ARHGAP39: variants seen among roughly 807,000 people sequenced by gnomAD.
ARHGAP39 encodes the protein Rho GTPase activating protein 39.
In ARHGAP39, 44 loss-of-function variants were observed where a neutral mutation model predicts 106.9. The ratio of observed to expected loss-of-function variants is 0.41; its 90% confidence interval spans 0.32 to 0.53. The LOEUF (loss-of-function observed/expected upper bound fraction) is 0.53, where lower values mean the gene tolerates loss of function less well. ARHGAP39 is among the 20% of genes least tolerant of loss of function. ARHGAP39 has a pLI of 0.21. For missense variants in ARHGAP39, 1,496 were observed against 1,577.3 expected (o/e 0.95, Z 0.87); for synonymous variants, 768 against 693.2 (o/e 1.11, Z -1.69).
intron 1 of ARHGAP39, among the ~76,000 whole-genome samples, chr8:144,638,511 T>C (rs1821232812): frequency 6.6e-6 from 1 of 152,226 alleles, no homozygotes. Flanking sequence ...CATTCTATCC[T>C]CTGTGTCTCA....
intron 1 of ARHGAP39, chr8:144,605,952 G>A: frequency 2.8e-6 from 1 of 354,736 alleles, no homozygotes; most frequent in Non-Finnish European, 5.4e-6. Context: ...GCCAGTCTGA[G>A]ACACCAGCCC....
At chr8:144,690,011 TG>T (rs1822711522), upstream of ARHGAP39, among the ~76,000 whole-genome samples, 1 of 152,042 alleles carries the variant, frequency 6.6e-6, no homozygotes, top group South Asian at 2.1e-4. Flanking sequence ...CCTCCCAAAG[TG>T]CTGGGATTAC....
chr8:144,588,529 T>C (rs1343120080), intron 2 of ARHGAP39, among the ~76,000 whole-genome samples: 1 of 152,124 alleles, frequency 6.6e-6, no homozygotes, highest in Non-Finnish European at 1.5e-5. Context: ...GACAGAACTG[T>C]GGGGACCGCG....
At chr8:144,583,753 A>G (rs954139359) in intron 2 of ARHGAP39, among the ~76,000 whole-genome samples, 6 of 152,082 alleles carry the variant, frequency 3.9e-5, no homozygotes, top group Non-Finnish European at 8.8e-5. Flanking sequence ...ATTTTTCTGT[A>G]TTTTCCAAGT....
At chr8:144,534,243 TGGGTGTGG>T in intron 7 of ARHGAP39, 41 bp from the exon 8 acceptor site, 1 of 1,608,868 alleles carries the variant, frequency 6.2e-7, no homozygotes, top group Non-Finnish European at 8.5e-7. Flanking sequence ...TGTGGGTGTG[TGGGTGTGG>T]GGCCAGGAGA....
At chr8:144,621,583 G>C (rs1302630507) in intron 1 of ARHGAP39, among the ~76,000 whole-genome samples, 2 of 152,216 alleles carry the variant, frequency 1.3e-5, no homozygotes, top group Non-Finnish European at 1.5e-5. Flanking sequence ...TTGGGAGGCT[G>C]AGGCAGGCAG....
At chr8:144,535,645 C>T (rs1816925289) in intron 7 of ARHGAP39, among the ~76,000 whole-genome samples, 1 of 152,224 alleles carries the variant, frequency 6.6e-6, no homozygotes, top group South Asian at 2.1e-4. Context: ...GCTGGGCCTC[C>T]TGCTTGCTGT....
chr8:144,580,875 C>T lies in ARHGAP39; in HGVS notation c.483G>A (p.Ala161=). ...CGCTGTCCTCCTTCACTGTCCCAAA[C>T]GCCGCGGGCCGCCCGGCCCTCGCTG... The part of the protein sequence containing the change: ...ELPARAGRPA[A]FGTVKEDSGS... The change falls in exon 3 of 12, where the codon GCG becomes GCA. Residue 161 remains alanine, a synonymous_variant. Transcript: ENST00000377307. 6.3e-7 allele frequency: 1 copy of T among 1,581,742 alleles called. No individual in the cohort carries two copies. Among genetic ancestry groups the T allele is most frequent in the South Asian group, 1.2e-5 (1 of 86,858 alleles).
rs1420144839 is a variant in ARHGAP39 at position 144,585,393 on chromosome 8, TCAC to T, written c.81-4119_81-4117del. On this transcript the variant is annotated intron_variant, in intron 2 of 11. Coordinates refer to ENST00000377307, the MANE Select transcript of ARHGAP39 (RefSeq NM_025251.3). The surrounding 1 kb of genome is among the most constrained non-coding windows in gnomAD (Gnocchi z 4.6). The stretch of plus-strand genomic sequence containing the variant: ...CCAGCCAAGGGTTCCCAGCACCGGC[TCAC>T]CGAGAACCTGGAGGGGCCAGCCAGG... Among the ~76,000 whole-genome samples, 2 of 142,522 alleles carry T rather than the reference TCAC, an allele frequency of 1.4e-5. No individual in the cohort carries two copies. Among genetic ancestry groups the T allele is most frequent in the Non-Finnish European group, 3.1e-5 (2 of 65,082 alleles). 93.5% of individuals were successfully genotyped at this position (142,522 alleles called of 152,430 possible). A position where few individuals can be genotyped will look rare whatever the true frequency, so the allele number is the denominator to read the frequency against.
intron 2 of ARHGAP39, among the ~76,000 whole-genome samples, chr8:144,597,037 G>A (rs569050534): frequency 1.5e-3 from 221 of 152,344 alleles, no homozygotes; most frequent in Non-Finnish European, 2.5e-3. Flanking sequence ...CAGACGTGGT[G>A]AGGGAGGAGC....
At chr8:144,618,562 G>A (rs536256440) in intron 1 of ARHGAP39, among the ~76,000 whole-genome samples, 3 of 152,376 alleles carry the variant, frequency 2.0e-5, no homozygotes, top group South Asian at 4.1e-4. Context: ...TGTGGTGGGC[G>A]CGAGCAGGCA....
chr8:144,564,068 T>C (rs1344585744), intron 3 of ARHGAP39, among the ~76,000 whole-genome samples: 3 of 152,248 alleles, frequency 2.0e-5, no homozygotes, highest in African/African-American at 7.2e-5. Context: ...TTGCAGCAGA[T>C]ATATTTTCTG....
In ARHGAP39 at chr8:144,679,043, A is replaced by G. The variant is rs1294038338; in HGVS notation, c.-82+6643T>C. ...GGGGGACCCAGCACGCCAAAATTCT[A>G]GGTGGTGACCAAGCAGGTGAAGGTC... On this transcript the variant is annotated intron_variant, in intron 1 of 11. Coordinates refer to ENST00000377307, the MANE Select transcript of ARHGAP39 (RefSeq NM_025251.3). This position sits in a 1 kb window ranked among gnomAD's most constrained non-coding sequence, Gnocchi z 4.7. Among the ~76,000 whole-genome samples the G allele has an allele frequency of 6.6e-6, 1 of 152,136 alleles. No individual in the cohort carries two copies. The highest frequency in any genetic ancestry group is 2.4e-5 in the African/African-American group (1 of 41,448).
chr8:144,640,402 G>A (rs950268822), intron 1 of ARHGAP39, among the ~76,000 whole-genome samples: 6 of 152,154 alleles, frequency 3.9e-5, no homozygotes, highest in Non-Finnish European at 8.8e-5. Context: ...TGAGTCTCAC[G>A]AGATCTGATG....
chr8:144,583,254 C>G (rs1038335983), intron 2 of ARHGAP39, among the ~76,000 whole-genome samples: 2 of 152,342 alleles, frequency 1.3e-5, no homozygotes, highest in Non-Finnish European at 2.9e-5. Flanking sequence ...TACCACTGAT[C>G]ATGTTCTCTT....
At chr8:144,694,364 G>A in the ARHGAP39 span, among the ~76,000 whole-genome samples, 1 of 152,156 alleles carries the variant, frequency 6.6e-6, no homozygotes, top group Non-Finnish European at 1.5e-5. Context: ...CATTTTCCCT[G>A]CTGCATGTGC....
rs994749514 is a variant in ARHGAP39, at chr8:144,585,563, A to G, written c.81-4286T>C. Among the ~76,000 whole-genome samples the G allele has an allele frequency of 3.3e-5, 5 of 152,072 alleles. No individual in the cohort carries two copies. The highest frequency in any genetic ancestry group is 1.2e-4 in the African/African-American group (5 of 41,396). ...CCCTTGGCCTCAGCCCATGATACAA[A>G]GTGTCAATGACTCCCATCGTTAGAA... On this transcript the variant is annotated intron_variant, in intron 2 of 11. Coordinates refer to ENST00000377307, the MANE Select transcript of ARHGAP39 (RefSeq NM_025251.3). The surrounding 1 kb of genome is among the most constrained non-coding windows in gnomAD (Gnocchi z 4.6).
chr8:144,628,585 C>T (rs1441061522), intron 1 of ARHGAP39, among the ~76,000 whole-genome samples: 1 of 152,188 alleles, frequency 6.6e-6, no homozygotes, highest in East Asian at 1.9e-4. Flanking sequence ...CCGTCTCTCT[C>T]GATAACTGAC....
At chr8:144,675,604 T>C (rs1822213086) in intron 1 of ARHGAP39, among the ~76,000 whole-genome samples, 1 of 151,234 alleles carries the variant, frequency 6.6e-6, no homozygotes, top group Non-Finnish European at 1.5e-5. Context: ...ACCTTTGTGG[T>C]TAGTGTTACA....
Sources: allele counts gnomAD v4.1 joint callset (sites outside exome capture counted in the v4.1 genomes callset), GRCh38; gene constraint gnomAD v4.1.1; non-coding constraint Gnocchi (gnomAD v3.1); transcripts MANE v1.5; gene names NCBI Gene and HGNC (gene_info 2026-07-23, HGNC 2026-07-21).